Variants in SRFBP1 observed in about 807,000 individuals in gnomAD.
SRFBP1 encodes serum response factor binding protein 1, also known as serum response factor-binding protein 1.
Under a neutral mutation model 45.5 loss-of-function variants are expected in SRFBP1, and 47 were observed. The observed-to-expected ratio is 1.03, with a 90% CI of 0.82 to 1.32. SRFBP1 has a LOEUF of 1.32. Among genes scored for constraint, SRFBP1 ranks in the 40% most tolerant of loss-of-function variants. SRFBP1 has a pLI of 0.00. For synonymous variants in SRFBP1, 203 were observed against 166.3 expected, an observed-to-expected ratio of 1.22 and a Z score of -1.70; for missense variants, 621 against 484.6, an observed-to-expected ratio of 1.28 and a Z score of -2.64.
chr5:122,026,548 C>T (rs1011115824), intron 7 of SRFBP1, among the ~76,000 whole-genome samples: 14 of 152,174 alleles, frequency 9.2e-5, no homozygotes, highest in African/African-American at 3.4e-4. Context: ...TGTGAATTTT[C>T]TGGCTACATC....
intron 4 of SRFBP1, among the ~76,000 whole-genome samples, chr5:122,010,155 A>G (rs548448438): frequency 6.6e-6 from 1 of 152,274 alleles, no homozygotes; most frequent in African/African-American, 2.4e-5. Flanking sequence ...TCCTTCTGTC[A>G]TATTATTAAC....
At chr5:122,077,947 C>G, downstream of SRFBP1, 1 of 1,486,558 alleles carries the variant, frequency 6.7e-7, no homozygotes, top group Non-Finnish European at 8.9e-7. This position sits in a 1 kb window ranked among gnomAD's most constrained non-coding sequence, Gnocchi z 4.9. Flanking sequence ...CGCAGAGCTG[C>G]AAAGGCCCGA....
chr5:122,024,050 A>G (rs970455850), intron 7 of SRFBP1, among the ~76,000 whole-genome samples: 1 of 152,226 alleles, frequency 6.6e-6, no homozygotes, highest in Non-Finnish European at 1.5e-5. Context: ...TCTTAGACTT[A>G]CAGGTTACTG....
At chr5:121,974,434 A>G in intron 2 of SRFBP1, 150 bp downstream of exon 2, 1 of 580,810 alleles carries the variant, frequency 1.7e-6, no homozygotes, top group South Asian at 2.1e-5. Context: ...GATGTGAGTG[A>G]GATAGAATGT....
intron 2 of SRFBP1, among the ~76,000 whole-genome samples, chr5:122,042,379 A>G (rs1234246270): frequency 6.6e-6 from 1 of 152,000 alleles, no homozygotes; most frequent in African/African-American, 2.4e-5. Flanking sequence ...CGATCCTCCT[A>G]CCTCAGCCTC....
At chr5:121,988,431 T>G (rs931485626) in intron 3 of SRFBP1, among the ~76,000 whole-genome samples, 10 of 152,078 alleles carry the variant, frequency 6.6e-5, no homozygotes, top group African/African-American at 2.4e-4. Flanking sequence ...GGATACAGAT[T>G]AAAATCAGCA....
At chr5:121,969,226 C>T (rs1027511005) in intron 1 of SRFBP1, among the ~76,000 whole-genome samples, 3 of 152,084 alleles carry the variant, frequency 2.0e-5, no homozygotes, top group Admixed American at 6.6e-5. Flanking sequence ...GTCTAATATG[C>T]GTAATAAATG....
intron 2 of SRFBP1, among the ~76,000 whole-genome samples, chr5:122,055,666 G>A (rs1580547835): frequency 6.6e-6 from 1 of 151,948 alleles, no homozygotes; most frequent in African/African-American, 2.4e-5. Flanking sequence ...TCTAAGAAAA[G>A]CATTAAAAAT....
intron 2 of SRFBP1, among the ~76,000 whole-genome samples, chr5:122,036,647 A>G (rs1394147242): frequency 6.6e-6 from 1 of 152,090 alleles, no homozygotes; most frequent in Admixed American, 6.5e-5. Context: ...CTGTGTAAAA[A>G]CCTTGAGCAC....
intron 2 of SRFBP1, among the ~76,000 whole-genome samples, chr5:122,048,518 T>G (rs1753905810): frequency 1.3e-5 from 2 of 152,238 alleles, no homozygotes; most frequent in Non-Finnish European, 2.9e-5. Context: ...TTTTTTGTTG[T>G]GTCTGTGTCA....
chr5:122,021,314 CT>C (rs1242904187), intron 6 of SRFBP1, among the ~76,000 whole-genome samples: 2 of 152,138 alleles, frequency 1.3e-5, no homozygotes, highest in Non-Finnish European at 2.9e-5. Context: ...TTGCTCACCA[CT>C]TTTCATAGCT....
rs7704915 is a variant in SRFBP1, at chr5:122,004,253, C to G, written c.270+9583C>G. ...CTTATGTTTTCCTCTAGCAGTTTTA[C>G]AGTTTCCAGCCTTACGTTTTGGCCT... On this transcript the variant is annotated intron_variant, in intron 4 of 7. Transcript: ENST00000339397. 6.6e-3 allele frequency among the ~76,000 whole-genome samples: 1,001 copies of G among 152,304 alleles called. 18 individuals are homozygous for G. Among genetic ancestry groups the G allele is most frequent in the African/African-American group, 0.023 (959 of 41,572 alleles).
At chr5:122,078,017 G>A (rs758812302), downstream of SRFBP1, 10 of 1,438,682 alleles carry the variant, frequency 7.0e-6, no homozygotes, top group Middle Eastern at 1.9e-4. Flanking sequence ...CCCGCTCGAG[G>A]AGGACGTGGC....
chr5:121,971,029 CTGACCA>C (rs1241341084), intron 1 of SRFBP1, among the ~76,000 whole-genome samples: 1 of 152,024 alleles, frequency 6.6e-6, no homozygotes, highest in East Asian at 1.9e-4. Context: ...AAAGAACATT[CTGACCA>C]GTGGAAATGG....
At chr5:122,038,529 C>G (rs1425617539) in intron 2 of SRFBP1, among the ~76,000 whole-genome samples, 1 of 152,140 alleles carries the variant, frequency 6.6e-6, no homozygotes, top group East Asian at 1.9e-4. Flanking sequence ...AAATGAAAAG[C>G]AAAGGATCAA....
At chr5:122,038,104 A>C (rs1753720607) in intron 2 of SRFBP1, among the ~76,000 whole-genome samples, 1 of 152,184 alleles carries the variant, frequency 6.6e-6, no homozygotes, top group Admixed American at 6.5e-5. Context: ...AATTATCACA[A>C]TTATCAGCCT....
At chr5:121,994,855 A>G (rs998598456) in intron 4 of SRFBP1, among the ~76,000 whole-genome samples, 185 bp downstream of exon 4, 3 of 152,064 alleles carry the variant, frequency 2.0e-5, no homozygotes, top group Non-Finnish European at 4.4e-5. Context: ...GTTTTGCTGT[A>G]ATATCATACC....
chr5:122,077,835 T>C (rs1380970331), downstream of SRFBP1: 1 of 1,552,530 alleles, frequency 6.4e-7, no homozygotes, highest in East Asian at 2.4e-5. The surrounding 1 kb of genome is among the most constrained non-coding windows in gnomAD (Gnocchi z 4.9). Context: ...ACCTGCCCGT[T>C]GTTCTCCCAT....
At chr5:122,055,884 A>T (rs78846683) in intron 2 of SRFBP1, among the ~76,000 whole-genome samples, 13,961 of 152,202 alleles carry the variant, frequency 0.092, 1,112 homozygotes, top group African/African-American at 0.21. Context: ...CTCTCTTTAT[A>T]TGTAGGGGAA....
Sources: gnomAD v4.1 joint callset for allele counts (sites outside exome capture counted in the v4.1 genomes callset) on GRCh38, gnomAD v4.1.1 for gene constraint, Gnocchi (gnomAD v3.1) non-coding constraint, MANE v1.5 for transcripts, NCBI Gene and HGNC (gene_info 2026-07-23, HGNC 2026-07-21) for gene names.